WWOX: variants seen among roughly 807,000 people sequenced by gnomAD.
WWOX encodes the protein WW domain-containing oxidoreductase.
In WWOX, 69 loss-of-function variants were observed where a neutral mutation model predicts 46.2. The observed-to-expected ratio is 1.49, with a 90% CI of 1.23 to 1.82. WWOX has a LOEUF of 1.82. Ranked by LOEUF, WWOX falls within the 40% of genes most tolerant of loss-of-function variation. The pLI, the probability that WWOX is intolerant of heterozygous loss-of-function variation, is 0.00. For missense variants in WWOX, 919 were observed against 542.6 expected, an observed-to-expected ratio of 1.69 and a Z score of -6.89; for synonymous variants, 359 against 202.6, an observed-to-expected ratio of 1.77 and a Z score of -6.56.
intron 6 of WWOX, among the ~76,000 whole-genome samples, chr16:78,402,155 C>G (rs1047886604): frequency 6.6e-6 from 1 of 152,218 alleles, no homozygotes; most frequent in African/African-American, 2.4e-5. Flanking sequence ...TTCCTCCAGT[C>G]CCAAGGCAAT....
chr16:78,664,070 C>T (rs149696569), intron 8 of WWOX, among the ~76,000 whole-genome samples: 5 of 152,036 alleles, frequency 3.3e-5, no homozygotes. Context: ...GCCATGGTTG[C>T]CATGAGGAGG....
chr16:78,828,579 C>G (rs910555817), intron 8 of WWOX, among the ~76,000 whole-genome samples: 1 of 151,558 alleles, frequency 6.6e-6, no homozygotes, highest in Non-Finnish European at 1.5e-5. Flanking sequence ...TATTAAGGTC[C>G]TACTATATAC....
At chr16:78,507,152 A>G (rs938839787) in intron 8 of WWOX, among the ~76,000 whole-genome samples, 2 of 152,214 alleles carry the variant, frequency 1.3e-5, no homozygotes, top group African/African-American at 2.4e-5. Flanking sequence ...CAGAGAACAA[A>G]TGAAAAGAAT....
In WWOX at chr16:78,739,792, C is replaced by T. The variant is rs374628734; in HGVS notation, c.1056+307040C>T. Among the ~76,000 whole-genome samples the T allele has an allele frequency of 3.6e-4, 55 of 152,252 alleles. No individual in the cohort carries two copies. In the East Asian group the frequency reaches 0.01, roughly 28 times the overall value. On this transcript the variant is annotated intron_variant, in intron 8 of 8. Coordinates refer to ENST00000566780, the MANE Select transcript of WWOX (RefSeq NM_016373.4). Reference sequence around the variant, plus strand: ...TACCATTGCACTCCAGCCTGGGCAACAGGGAGAGATTCCATCTCAAAAAAC... The same window carrying T: ...TACCATTGCACTCCAGCCTGGGCAATAGGGAGAGATTCCATCTCAAAAAAC...
chr16:78,476,627 AAAAG>A (rs1216700131), intron 8 of WWOX, among the ~76,000 whole-genome samples: 4 of 152,108 alleles, frequency 2.6e-5, no homozygotes, highest in Non-Finnish European at 5.9e-5. Context: ...ATTAAAAAAA[AAAAG>A]AACTGGAGCA....
At chr16:78,856,074 A>G (rs1318505277) in intron 8 of WWOX, among the ~76,000 whole-genome samples, 1 of 152,224 alleles carries the variant, frequency 6.6e-6, no homozygotes, top group Non-Finnish European at 1.5e-5. Flanking sequence ...AGGGGAAGAC[A>G]AATATGAGTA....
At chr16:78,514,341 C>T (rs2085437148) in intron 8 of WWOX, among the ~76,000 whole-genome samples, 1 of 152,196 alleles carries the variant, frequency 6.6e-6, no homozygotes. Flanking sequence ...GCATGTACAA[C>T]TGCTTGAAAA....
intron 8 of WWOX, chr16:79,205,308 T>G (rs1223996119): frequency 2.6e-5 from 4 of 152,212 alleles, no homozygotes; most frequent in African/African-American, 7.2e-5. Context: ...CTGTCCCTAG[T>G]GTCACCTGGG....
At position 78,522,346 on chromosome 16, in the gene WWOX, C is replaced by A. The variant is rs138717049; in HGVS notation, c.1056+89594C>A. Among the ~76,000 whole-genome samples the A allele has an allele frequency of 6.4e-3, 977 of 152,204 alleles. 11 individuals are homozygous for A. Among genetic ancestry groups the A allele is most frequent in the African/African-American group, 0.023 (943 of 41,516 alleles). On this transcript the variant is annotated intron_variant, in intron 8 of 8. Transcript: ENST00000566780. The stretch of plus-strand genomic sequence containing the variant: ...CGGAACATTAAAGCACAACAAAAAC[C>A]TAATTCTTTGAGTGTTTCTGAGGCC...
Position 78,849,505 on chromosome 16 carries a change from C to T in WWOX, c.1057-362103C>T, listed in dbSNP as rs182110808. ...AGGAGAATGGCGTGAACCCGGGAGG[C>T]GGAGCTTGCAGTGAGCGGAGATCGT... On this transcript the variant is annotated intron_variant, in intron 8 of 8. Coordinates refer to ENST00000566780, the MANE Select transcript of WWOX (RefSeq NM_016373.4). Among the ~76,000 whole-genome samples, 314 of 135,420 alleles carry T rather than the reference C, an allele frequency of 2.3e-3. 2 individuals are homozygous for T. The East Asian group carries it at 0.025, about 11-fold the overall frequency. The allele number at this position is 135,420 out of a possible 152,430, so 88.8% of individuals were successfully genotyped here.
At chr16:79,019,503 A>C (rs2550720) in intron 8 of WWOX, among the ~76,000 whole-genome samples, 151,901 of 152,134 alleles carry the variant, frequency 1, 75,834 homozygotes, top group Middle Eastern at 1. Context: ...TCTTTGGGAC[A>C]GCCATCATAT....
At chr16:78,869,170 C>A (rs559899108) in intron 8 of WWOX, among the ~76,000 whole-genome samples, 1 of 152,146 alleles carries the variant, frequency 6.6e-6, no homozygotes, top group African/African-American at 2.4e-5. Flanking sequence ...TTTTAGTCAA[C>A]CATCAGCTGA....
chr16:78,716,520 C>T (rs1270132817), intron 8 of WWOX, among the ~76,000 whole-genome samples: 5 of 152,088 alleles, frequency 3.3e-5, no homozygotes, highest in Non-Finnish European at 5.9e-5. Flanking sequence ...TTAGGGGATG[C>T]CCTCACTTTT....
At chr16:78,197,088 T>G (rs1296890727) in intron 5 of WWOX, among the ~76,000 whole-genome samples, 1 of 152,216 alleles carries the variant, frequency 6.6e-6, no homozygotes, top group African/African-American at 2.4e-5. Context: ...CAGACTCGTA[T>G]CAGCCACTTG....
chr16:78,441,751 G>A (rs564887731), intron 8 of WWOX, among the ~76,000 whole-genome samples: 3 of 152,076 alleles, frequency 2.0e-5, no homozygotes, highest in African/African-American at 4.8e-5. Flanking sequence ...AATTAAAGAC[G>A]TTATGAACTT....
intron 8 of WWOX, among the ~76,000 whole-genome samples, chr16:79,122,025 A>G (rs1209816187): frequency 6.6e-6 from 1 of 152,164 alleles, no homozygotes; most frequent in East Asian, 1.9e-4. Context: ...AAGAGCATTA[A>G]TTCCTTACAA....
At chr16:78,716,864 G>C (rs1042206738) in intron 8 of WWOX, among the ~76,000 whole-genome samples, 1 of 152,116 alleles carries the variant, frequency 6.6e-6, no homozygotes, top group African/African-American at 2.4e-5. Flanking sequence ...GCTTCAGCCA[G>C]GTTTGCTTTA....
rs190738712 is a variant in WWOX at position 78,587,546 on chromosome 16, G to C, written c.1056+154794G>C. Among the ~76,000 whole-genome samples, 169 of 152,144 alleles carry C rather than the reference G, an allele frequency of 1.1e-3. 1 individual carries two copies. Among genetic ancestry groups the C allele is most frequent in the South Asian group, 0.011 (51 of 4,796 alleles). On this transcript the variant is annotated intron_variant, in intron 8 of 8. Transcript: ENST00000566780. ...AAAACAAGCGATCACTTGGTGTCCT[G>C]AGATTCGCTCACTGCCCTCCCCTGA... is the stretch of plus-strand genomic sequence containing the variant.
rs780560985 is a variant in WWOX at position 78,734,564 on chromosome 16, G to T, written c.1056+301812G>T. On this transcript the variant is annotated intron_variant, in intron 8 of 8. Transcript: ENST00000566780. Reference sequence around the variant, plus strand: ...CTCACTGAACTTGAGAGCAGAGCTGGTTTATGTGTAACTGAACCTGATGGT... The same window carrying T: ...CTCACTGAACTTGAGAGCAGAGCTGTTTTATGTGTAACTGAACCTGATGGT... Among the ~76,000 whole-genome samples, 22 of 152,234 alleles carry T rather than the reference G, an allele frequency of 1.4e-4. No individual in the cohort carries two copies. In the South Asian group the frequency reaches 2.5e-3, roughly 17 times the overall value.
Sources: gnomAD v4.1 joint callset for allele counts (sites outside exome capture counted in the v4.1 genomes callset) on GRCh38, gnomAD v4.1.1 for gene constraint, MANE v1.5 for transcripts, NCBI Gene and HGNC (gene_info 2026-07-23, HGNC 2026-07-21) for gene names.